The following ANKS1B variants were observed in gnomAD, a reference collection of about 807,000 sequenced individuals.
ANKS1B encodes the protein ankyrin repeat and sterile alpha motif domain containing 1B.
ANKS1B carries 36 observed loss-of-function variants against 148.3 expected under a neutral mutation model. That is an observed-to-expected ratio of 0.24 (90% CI 0.19 to 0.32). ANKS1B has a LOEUF of 0.32. Ranked by LOEUF, ANKS1B falls within the 10% of genes least tolerant of loss-of-function variation. ANKS1B has a pLI of 1.00. For missense variants in ANKS1B, 1,157 were observed against 1,542.6 expected (o/e 0.75, Z 4.19); for synonymous variants, 542 against 560.8 (o/e 0.97, Z 0.47).
intron 16 of ANKS1B, among the ~76,000 whole-genome samples, chr12:99,060,088 G>C (rs567845461): frequency 6.6e-6 from 1 of 152,028 alleles, no homozygotes; most frequent in Non-Finnish European, 1.5e-5. Flanking sequence ...TCGCAACAAG[G>C]CAATTTGATT....
intron 1 of ANKS1B, among the ~76,000 whole-genome samples, chr12:99,964,392 A>G (rs2095458701): frequency 6.6e-6 from 1 of 152,192 alleles, no homozygotes; most frequent in Non-Finnish European, 1.5e-5. Context: ...TCCACTCCCT[A>G]TTCCTCTTTT....
intron 9 of ANKS1B, among the ~76,000 whole-genome samples, chr12:99,541,413 C>T (rs1008427867): frequency 6.6e-6 from 1 of 152,098 alleles, no homozygotes; most frequent in Non-Finnish European, 1.5e-5. Context: ...CAACAACATA[C>T]AAAATAATTA....
intron 9 of ANKS1B, among the ~76,000 whole-genome samples, chr12:99,621,712 T>C (rs992691176): frequency 5.9e-5 from 9 of 152,092 alleles, no homozygotes; most frequent in African/African-American, 2.2e-4. Flanking sequence ...TTAACTATCC[T>C]AGATATATAC....
At chr12:98,747,376 A>G (rs1040380740) in intron 26 of ANKS1B, among the ~76,000 whole-genome samples, 1 of 152,256 alleles carries the variant, frequency 6.6e-6, no homozygotes, top group Non-Finnish European at 1.5e-5. Context: ...CATCAGGGAC[A>G]TGCAAATGAC....
chr12:99,549,611 C>G (rs2097200529), intron 9 of ANKS1B, among the ~76,000 whole-genome samples: 1 of 152,156 alleles, frequency 6.6e-6, no homozygotes, highest in Admixed American at 6.5e-5. Flanking sequence ...GACAAGCAAG[C>G]TGTTAACCAA....
intron 9 of ANKS1B, among the ~76,000 whole-genome samples, chr12:98,737,322 A>G (rs1386763771): frequency 6.6e-6 from 1 of 152,140 alleles, no homozygotes; most frequent in Non-Finnish European, 1.5e-5. Context: ...TGTTTTCTCT[A>G]TGCTGTCCTC....
intron 17 of ANKS1B, among the ~76,000 whole-genome samples, chr12:99,017,213 C>T (rs992806206): frequency 2.6e-5 from 4 of 152,288 alleles, no homozygotes; most frequent in Admixed American, 1.3e-4. Flanking sequence ...TTGGTCATTC[C>T]TGGGTGTAGG....
intron 8 of ANKS1B, among the ~76,000 whole-genome samples, chr12:99,714,177 G>A (rs999393956): frequency 8.5e-5 from 13 of 152,148 alleles, no homozygotes; most frequent in South Asian, 2.1e-4. Context: ...TTGGATCTCC[G>A]CTTCTGTCAT....
At chr12:99,442,245 G>T (rs1372698131) in intron 11 of ANKS1B, among the ~76,000 whole-genome samples, 2 of 151,788 alleles carry the variant, frequency 1.3e-5, no homozygotes, top group Admixed American at 6.6e-5. Context: ...ACCCAGACTG[G>T]TCTAGAACTC....
intron 12 of ANKS1B, among the ~76,000 whole-genome samples, chr12:99,263,237 G>A (rs1309230024): frequency 6.6e-6 from 1 of 151,966 alleles, no homozygotes; most frequent in Admixed American, 6.6e-5. Context: ...CTAAAATGAG[G>A]GAATTAGCAG....
intron 12 of ANKS1B, among the ~76,000 whole-genome samples, chr12:99,388,260 C>CCT (rs1224010891): frequency 6.6e-6 from 1 of 152,056 alleles, no homozygotes; most frequent in Non-Finnish European, 1.5e-5. Context: ...AGTCTCCCAC[C>CCT]CTCTGTCTTA....
intron 15 of ANKS1B, among the ~76,000 whole-genome samples, chr12:99,098,050 G>A (rs1382604596): frequency 2.6e-5 from 4 of 152,050 alleles, no homozygotes; most frequent in Admixed American, 6.5e-5. Context: ...TAACAATAAC[G>A]GCTATTCATT....
At position 99,302,222 on chromosome 12, in the gene ANKS1B, T is replaced by C. The variant is rs575718195; in HGVS notation, c.1757-55358A>G. Among the ~76,000 whole-genome samples the C allele has an allele frequency of 3.9e-5, 6 of 152,236 alleles. 1 individual carries two copies. In the South Asian group the frequency reaches 1.2e-3, roughly 32 times the overall value. ...AATAAATGATGTGCAATTATGTACA[T>C]GACAAAAGAATTGATTTACAGGGGA... On this transcript the variant is annotated intron_variant, in intron 12 of 26. Coordinates refer to ENST00000683438, the MANE Select transcript of ANKS1B (RefSeq NM_001352186.2).
In ANKS1B at chr12:98,744,382, AC is replaced by A. The variant is rs1481902274; in HGVS notation, c.*1356del. 6 of 897,634 alleles carry A rather than the reference AC, an allele frequency of 6.7e-6. No individual in the cohort carries two copies. The highest frequency in any genetic ancestry group is 8.0e-6 in the Non-Finnish European group (6 of 749,604). 55.6% of individuals were successfully genotyped at this position (897,634 alleles called of 1,614,324 possible). A position where few individuals can be genotyped will look rare whatever the true frequency, so the allele number is the denominator to read the frequency against. The stretch of plus-strand genomic sequence containing the variant: ...TAAAATAATGTCAGTTAATAAAAAA[AC>A]ATTAAGACAATTCCACAATTTATCA... On this transcript the variant is annotated 3_prime_UTR_variant, in exon 27 of 27. Transcript: ENST00000683438.
chr12:99,622,302 A>G (rs1478921844), intron 9 of ANKS1B, among the ~76,000 whole-genome samples: 3 of 152,102 alleles, frequency 2.0e-5, no homozygotes, highest in Non-Finnish European at 2.9e-5. Flanking sequence ...AAAGATCTCA[A>G]ATTAACAATG....
chr12:99,334,621 C>CA, intron 12 of ANKS1B, among the ~76,000 whole-genome samples: 1 of 152,172 alleles, frequency 6.6e-6, no homozygotes, highest in Non-Finnish European at 1.5e-5. Flanking sequence ...CATGCAATCT[C>CA]AATGTCCAGA....
intron 12 of ANKS1B, among the ~76,000 whole-genome samples, chr12:99,352,575 T>A (rs1460263546): frequency 6.6e-6 from 1 of 152,050 alleles, no homozygotes; most frequent in Admixed American, 6.6e-5. Context: ...CATGCTTCCT[T>A]ATTTGCATAT....
At chr12:98,793,233 T>C (rs1406098959) in intron 22 of ANKS1B, among the ~76,000 whole-genome samples, 3 of 152,254 alleles carry the variant, frequency 2.0e-5, no homozygotes, top group Non-Finnish European at 2.9e-5. Context: ...ATTTCCCTAC[T>C]GATTAATGAT....
chr12:99,021,723 C>A (rs1434181318), intron 17 of ANKS1B, among the ~76,000 whole-genome samples: 1 of 152,138 alleles, frequency 6.6e-6, no homozygotes, highest in African/African-American at 2.4e-5. Flanking sequence ...CACAAAATAG[C>A]TGTAGCTTGG....
Sources: allele counts gnomAD v4.1 joint callset (sites outside exome capture counted in the v4.1 genomes callset), GRCh38; gene constraint gnomAD v4.1.1; transcripts MANE v1.5; gene names NCBI Gene and HGNC (gene_info 2026-07-23, HGNC 2026-07-21).